The following ARNT variants were observed in gnomAD, a reference collection of about 807,000 sequenced individuals.
ARNT encodes the protein aryl hydrocarbon receptor nuclear translocator, also known as class E basic helix-loop-helix protein 2.
Under a neutral mutation model 105.0 loss-of-function variants are expected in ARNT, and 30 were observed. The observed-to-expected ratio is 0.29, with a 90% CI of 0.21 to 0.39. The LOEUF is 0.39. Ranked by LOEUF, ARNT falls within the 10% of genes least tolerant of loss-of-function variation. The probability of loss-of-function intolerance (pLI) is 1.00; values close to 1 mark genes in which losing one functional copy is unlikely to be tolerated. For missense variants in ARNT, 748 were observed against 978.7 expected (o/e 0.76, Z 3.15); for synonymous variants, 304 against 344.0 (o/e 0.88, Z 1.29).
intron 5 of ARNT, among the ~76,000 whole-genome samples, chr1:150,841,626 G>A (rs1661318365): frequency 6.6e-6 from 1 of 152,268 alleles, no homozygotes; most frequent in East Asian, 1.9e-4. Context: ...CCAAATCACA[G>A]ATACTAGAAA....
At chr1:150,838,015 C>T (rs1218703569) in intron 6 of ARNT, among the ~76,000 whole-genome samples, 1 of 152,112 alleles carries the variant, frequency 6.6e-6, no homozygotes, top group Non-Finnish European at 1.5e-5. Flanking sequence ...CATCTTTTAC[C>T]AAAACTAATT....
chr1:150,875,870 A>G (rs1668156736), intron 1 of ARNT, among the ~76,000 whole-genome samples: 1 of 152,202 alleles, frequency 6.6e-6, no homozygotes, highest in Admixed American at 6.5e-5. Flanking sequence ...CTGTGGAACT[A>G]AAGACCTGTC....
Position 150,829,162 on chromosome 1 carries a change from T to C in ARNT, c.1098A>G (p.Arg366=), listed in dbSNP as rs1398364584. The part of the protein sequence containing the change: ...NVCQPTEFIS[R]HNIEGIFTFV... Reference sequence around the variant, plus strand: ...AAGTGAAGATACCCTCAATGTTGTGTCGGGAGATGAACTCTGTTGGTTGAC... The same window carrying C: ...AAGTGAAGATACCCTCAATGTTGTGCCGGGAGATGAACTCTGTTGGTTGAC... Residue 366 remains arginine (R), a synonymous_variant, in exon 12 of 22, where the codon CGA becomes CGG. Coordinates refer to ENST00000358595, the MANE Select transcript of ARNT (RefSeq NM_001668.4). 1 of 1,614,026 alleles carries C rather than the reference T, an allele frequency of 6.2e-7. No individual in the cohort carries two copies.
chr1:150,853,629 C>T (rs762805072), intron 2 of ARNT, among the ~76,000 whole-genome samples: 4 of 152,334 alleles, frequency 2.6e-5, no homozygotes, highest in Non-Finnish European at 5.9e-5. Flanking sequence ...ATTCAAGACA[C>T]TGTGCTAGGT....
At chr1:150,848,846 T>C (rs934115448) in intron 3 of ARNT, among the ~76,000 whole-genome samples, 2 of 152,120 alleles carry the variant, frequency 1.3e-5, no homozygotes, top group South Asian at 2.1e-4. Context: ...ATTTCTGTAA[T>C]AAAATACACT....
At chr1:150,875,469 GTT>G (rs1668106183) in intron 1 of ARNT, among the ~76,000 whole-genome samples, 1 of 151,984 alleles carries the variant, frequency 6.6e-6, no homozygotes, top group Non-Finnish European at 1.5e-5. Context: ...CACTCCTACT[GTT>G]TTATTTTCAA....
Position 150,817,220 on chromosome 1 carries a change from A to T in ARNT, c.1579-18T>A. ...TGAACCACCTGTGGAATACAATGAT[A>T]AAAATAACCATTAAAGATTTAACAT... On this transcript the variant is annotated intron_variant, in intron 16 of 21. Transcript: ENST00000358595. The T allele has an allele frequency of 6.2e-7, 1 of 1,613,632 alleles. No homozygotes were observed. The highest frequency in any genetic ancestry group is 1.1e-5 in the South Asian group (1 of 90,952).
intron 14 of ARNT, among the ~76,000 whole-genome samples, chr1:150,818,788 A>G (rs1291501220): frequency 1.3e-5 from 2 of 152,174 alleles, no homozygotes; most frequent in Non-Finnish European, 2.9e-5. Flanking sequence ...AAAGCTAATT[A>G]AAATTAATCA....
At chr1:150,836,038 C>G (rs587722152) in intron 7 of ARNT, among the ~76,000 whole-genome samples, 1 of 152,076 alleles carries the variant, frequency 6.6e-6, no homozygotes, top group Admixed American at 6.6e-5. Context: ...TTTTACTGTT[C>G]TATTTATACC....
intron 3 of ARNT, among the ~76,000 whole-genome samples, chr1:150,847,111 G>A (rs923056591): frequency 6.6e-6 from 1 of 152,046 alleles, no homozygotes; most frequent in Non-Finnish European, 1.5e-5. Context: ...TTCTGCCTTC[G>A]ATTATTTTGT....
chr1:150,821,705 G>C (rs989793318), intron 14 of ARNT, among the ~76,000 whole-genome samples: 20 of 152,106 alleles, frequency 1.3e-4, no homozygotes, highest in Admixed American at 7.2e-4. Context: ...CTGGAGTGCA[G>C]TGGTGCGATC....
At chr1:150,833,220 C>T (rs1168204365) in intron 8 of ARNT, among the ~76,000 whole-genome samples, 1 of 152,172 alleles carries the variant, frequency 6.6e-6, no homozygotes, top group Non-Finnish European at 1.5e-5. Context: ...CTCTAAATTA[C>T]ACGCTGGGTG....
intron 15 of ARNT, 138 bp downstream of exon 15, chr1:150,817,782 C>G: frequency 1.5e-6 from 1 of 685,736 alleles, no homozygotes. Flanking sequence ...GTATTCCATC[C>G]AGCCTGAGCA....
chr1:150,867,305 G>A (rs1666757447), intron 1 of ARNT, among the ~76,000 whole-genome samples: 1 of 151,894 alleles, frequency 6.6e-6, no homozygotes, highest in Non-Finnish European at 1.5e-5. Flanking sequence ...CAAGATGGGG[G>A]GACTACTTGA....
At chr1:150,836,647 A>G in intron 6 of ARNT, 154 bp from the exon 7 acceptor site, 1 of 740,204 alleles carries the variant, frequency 1.4e-6, no homozygotes, top group Non-Finnish European at 2.1e-6. Flanking sequence ...TTCCACCCTA[A>G]ATGTAGTTCA....
chr1:150,835,514 T>G (rs587641280), intron 7 of ARNT, among the ~76,000 whole-genome samples: 3 of 152,232 alleles, frequency 2.0e-5, no homozygotes, highest in African/African-American at 4.8e-5. Context: ...AGCAGGCAGA[T>G]TACTGAGCCC....
intron 20 of ARNT, 96 bp downstream of exon 20, chr1:150,813,981 A>C: frequency 6.9e-7 from 1 of 1,444,564 alleles, no homozygotes. Flanking sequence ...CAATCAGGTC[A>C]GTGTACCCAC....
At chr1:150,832,762 T>C (rs1300282362) in intron 8 of ARNT, among the ~76,000 whole-genome samples, 1 of 152,216 alleles carries the variant, frequency 6.6e-6, no homozygotes, top group Non-Finnish European at 1.5e-5. Flanking sequence ...AATATGGGCA[T>C]GGCTATGTTC....
At chr1:150,814,260 G>T (rs1448257003) in intron 19 of ARNT, 21 bp from the exon 20 acceptor site, 1 of 1,611,760 alleles carries the variant, frequency 6.2e-7, no homozygotes, top group Admixed American at 1.7e-5. Flanking sequence ...ATGGAGAGGG[G>T]ATATAGAACA....
Sources: allele counts gnomAD v4.1 joint callset (sites outside exome capture counted in the v4.1 genomes callset), GRCh38; gene constraint gnomAD v4.1.1; transcripts MANE v1.5; gene names NCBI Gene and HGNC (gene_info 2026-07-23, HGNC 2026-07-21).